Variants in NUDT1 observed in about 807,000 individuals in gnomAD.
NUDT1 encodes the protein nudix hydrolase 1, also known as oxidized purine nucleoside triphosphate hydrolase.
In NUDT1, 16 loss-of-function variants were observed where a neutral mutation model predicts 11.3. That is an observed-to-expected ratio of 1.41 (90% CI 0.96 to 2.15). The LOEUF (loss-of-function observed/expected upper bound fraction) is 2.15. Among genes scored for constraint, NUDT1 ranks in the 30% most tolerant of loss-of-function variants. The probability of loss-of-function intolerance (pLI) is 0.00; values close to 1 mark genes in which losing one functional copy is unlikely to be tolerated. For missense variants in NUDT1, 234 were observed against 208.4 expected, an observed-to-expected ratio of 1.12 and a Z score of -0.76; for synonymous variants, 101 against 84.4, an observed-to-expected ratio of 1.20 and a Z score of -1.08.
intron 2 of NUDT1, among the ~76,000 whole-genome samples, chr7:2,247,695 C>T (rs1794825438): frequency 6.6e-6 from 1 of 152,256 alleles, no homozygotes; most frequent in South Asian, 2.1e-4. Context: ...AACTGAACAG[C>T]GTCATCTTCG....
intron 2 of NUDT1, among the ~76,000 whole-genome samples, chr7:2,247,559 G>A (rs1167020107): frequency 2.0e-5 from 3 of 152,320 alleles, no homozygotes; most frequent in Admixed American, 1.3e-4. Context: ...CGGAACCTCC[G>A]ACTCCCACCT....
intron 3 of NUDT1, 52 bp downstream of exon 3, chr7:2,250,054 T>C: frequency 6.2e-7 from 1 of 1,602,074 alleles, no homozygotes; most frequent in African/African-American, 1.3e-5. Flanking sequence ...TCCCATCTCC[T>C]GGCTGGGAGA....
rs1051768203 is a variant in NUDT1 at position 2,250,618 on chromosome 7, C to T, written c.299-211C>T. ...GACTACAGGCGCCCGCCACCACGCC[C>T]GGCTAATTTTTTTGTATTTTTAGTA... On this transcript the variant is annotated intron_variant, in intron 3 of 3. Coordinates refer to ENST00000356714, the MANE Select transcript of NUDT1 (RefSeq NM_002452.4). Among the ~76,000 whole-genome samples the T allele has an allele frequency of 6.8e-5, 10 of 147,044 alleles. No individual in the cohort carries two copies. In the South Asian group the frequency reaches 9.0e-4, roughly 13 times the overall value.
At position 2,249,621 on chromosome 7, in the gene NUDT1, G is replaced by A. The variant is rs147427984; in HGVS notation, c.153-236G>A. Reference sequence around the variant, plus strand: ...CCACCAGAGGCTCCACACCATCTCCGGGCCCCTCCCCAGAGCCTCTCAACC... The same window carrying A: ...CCACCAGAGGCTCCACACCATCTCCAGGCCCCTCCCCAGAGCCTCTCAACC... On this transcript the variant is annotated intron_variant, in intron 2 of 3. Coordinates refer to ENST00000356714, the MANE Select transcript of NUDT1 (RefSeq NM_002452.4). The A allele has an allele frequency of 4.5e-4, 255 of 572,106 alleles. 1 individual carries two copies. Among genetic ancestry groups the A allele is most frequent in the Non-Finnish European group, 7.4e-4 (234 of 317,340 alleles). The allele number at this position is 572,106 out of a possible 1,614,324, so 35.4% of individuals were successfully genotyped here.
intron 1 of NUDT1, among the ~76,000 whole-genome samples, chr7:2,243,635 T>C (rs1794646659): frequency 6.6e-6 from 1 of 152,160 alleles, no homozygotes; most frequent in African/African-American, 2.4e-5. Context: ...TAGCTGGGTG[T>C]GGCGGCTCAT....
rs574916259 is a variant in NUDT1, at chr7:2,249,301, C to T, written c.153-556C>T. ...GATCATAGAAGCCTGTGGTTTCATCCTGTGTTCTCAGAGAAGAGGCACCAG... is the reference window on the plus strand; with the variant it reads ...GATCATAGAAGCCTGTGGTTTCATCTTGTGTTCTCAGAGAAGAGGCACCAG... On this transcript the variant is annotated intron_variant, in intron 2 of 3. Transcript: ENST00000356714. The T allele has an allele frequency of 3.0e-4, 49 of 164,354 alleles. 1 individual carries two copies. The highest frequency in any genetic ancestry group is 5.8e-4 in the Non-Finnish European group (44 of 75,350). 10.2% of individuals were successfully genotyped at this position (164,354 alleles called of 1,614,324 possible).
chr7:2,245,111 CTGTT>C (rs1482819064), intron 2 of NUDT1, among the ~76,000 whole-genome samples: 1 of 152,180 alleles, frequency 6.6e-6, no homozygotes, highest in Non-Finnish European at 1.5e-5. Flanking sequence ...GTTCCTCTGT[CTGTT>C]CAGTGGAGCT....
chr7:2,250,863 C>A lies in NUDT1; in HGVS notation c.333C>A (p.Ile111=). ...MRPCWFQLDQ[I]PFKDMWPDDS... ...CATGCTGGTTCCAGCTGGATCAGAT[C>A]CCCTTCAAGGACATGTGGCCCGACG... is the stretch of plus-strand genomic sequence containing the variant. Residue 111 remains isoleucine, a synonymous_variant, in exon 4 of 4, where the codon ATC becomes ATA. Coordinates refer to ENST00000356714, the MANE Select transcript of NUDT1 (RefSeq NM_002452.4). 6.2e-7 allele frequency: 1 copy of A among 1,614,182 alleles called. No individual in the cohort carries two copies. Among genetic ancestry groups the A allele is most frequent in the South Asian group, 1.1e-5 (1 of 91,084 alleles).
Position 2,242,228 on chromosome 7 carries a change from AG to A in NUDT1, c.-39del. 1 of 1,508,440 alleles carries A rather than the reference AG, an allele frequency of 6.6e-7. No homozygotes were observed. The highest frequency in any genetic ancestry group is 8.8e-7 in the Non-Finnish European group (1 of 1,132,486). 93.4% of individuals were successfully genotyped at this position (1,508,440 alleles called of 1,614,324 possible). A position where few individuals can be genotyped will look rare whatever the true frequency, so the allele number is the denominator to read the frequency against. ...AGTGCCTGGCCTCACTTCCGGTCAGAGGCCACGCCCCCGGAAGCGGCGGTGC... is the reference window on the plus strand; with the variant it reads ...AGTGCCTGGCCTCACTTCCGGTCAGAGCCACGCCCCCGGAAGCGGCGGTGC... On this transcript the variant is annotated 5_prime_UTR_variant, in exon 1 of 4. Coordinates refer to ENST00000356714, the MANE Select transcript of NUDT1 (RefSeq NM_002452.4).
intron 1 of NUDT1, chr7:2,242,522 T>G: frequency 2.5e-6 from 1 of 394,086 alleles, no homozygotes; most frequent in Non-Finnish European, 4.6e-6. Context: ...TTGGAAACCG[T>G]GGCTTCTGGC....
intron 3 of NUDT1, among the ~76,000 whole-genome samples, chr7:2,250,220 G>A (rs1356839772): frequency 6.6e-6 from 1 of 152,202 alleles, no homozygotes; most frequent in African/African-American, 2.4e-5. Context: ...CCTAAAATGA[G>A]AAACACGGTA....
In NUDT1 at chr7:2,250,016, G is replaced by T. The variant is rs781331574; in HGVS notation, c.298+14G>T. 1 of 1,613,316 alleles carries T rather than the reference G, an allele frequency of 6.2e-7. No homozygotes were observed. Among genetic ancestry groups the T allele is most frequent in the Admixed American group, 1.7e-5 (1 of 60,008 alleles). On this transcript the variant is annotated intron_variant, in intron 3 of 3. Coordinates refer to ENST00000356714, the MANE Select transcript of NUDT1 (RefSeq NM_002452.4). ...TGGAGAGCGACGGTGAGTCTCACAGGGCCTGCTCCCCCTCCCCACTATGCG... is the reference window on the plus strand; with the variant it reads ...TGGAGAGCGACGGTGAGTCTCACAGTGCCTGCTCCCCCTCCCCACTATGCG...
rs766116531 is a variant in NUDT1, at chr7:2,249,876, G to C, written c.172G>C (p.Gly58Arg). The change falls in exon 3 of 4, where the codon GGT becomes CGT. Residue 58 changes from glycine (G) to arginine (R), a missense_variant. Coordinates refer to ENST00000356714, the MANE Select transcript of NUDT1 (RefSeq NM_002452.4). Reference protein sequence around the residue: ...GARRELQEESGLTVDALHKVG... With the variant: ...GARRELQEESRLTVDALHKVG... ...CCGCAGGGAGCTGCAGGAGGAGAGC[G>C]GTCTGACAGTGGACGCCCTGCACAA... 4.3e-6 allele frequency: 7 copies of C among 1,613,796 alleles called. No homozygotes were observed. The African/African-American group carries it at 8.0e-5, about 18-fold the overall frequency.
At chr7:2,244,374 GA>G (rs1387936953) in intron 1 of NUDT1, 188 bp from the exon 2 acceptor site, 1 of 557,980 alleles carries the variant, frequency 1.8e-6, no homozygotes, top group Non-Finnish European at 3.1e-6. Context: ...TTCTACCCCA[GA>G]AAATCACTGG....
rs1794694053 is a variant in NUDT1 at position 2,244,613 on chromosome 7, G to A, written c.39G>A (p.Leu13=). ...GGCTCTATACCCTGGTGCTGGTCCT[G>A]CAGCCTCAGCGAGTTCTCCTGGGCA... The part of the protein sequence containing the change: ...ASRLYTLVLV[L]QPQRVLLGMK... Residue 13 remains leucine, a synonymous_variant, in exon 2 of 4, where the codon CTG becomes CTA. Coordinates refer to ENST00000356714, the MANE Select transcript of NUDT1 (RefSeq NM_002452.4). The A allele has an allele frequency of 1.9e-6, 3 of 1,612,746 alleles. No individual in the cohort carries two copies. Among genetic ancestry groups the A allele is most frequent in the African/African-American group, 1.3e-5 (1 of 75,026 alleles).
chr7:2,244,451 T>TTGG, intron 1 of NUDT1, 112 bp from the exon 2 acceptor site: 7 of 981,610 alleles, frequency 7.1e-6, no homozygotes, highest in Middle Eastern at 3.3e-4. Flanking sequence ...AGTTACAGCA[T>TTGG]ACCCCCCCGC....
In NUDT1 at chr7:2,249,995, G is replaced by C; in HGVS notation, c.291G>C (p.Glu97Asp). Residue 97 changes from glutamate to aspartate, a missense_variant, in exon 3 of 4, where the codon GAG becomes GAC. Physicochemically the swap from Glu to Asp is conservative, Grantham distance 45 (BLOSUM62 2). Coordinates refer to ENST00000356714, the MANE Select transcript of NUDT1 (RefSeq NM_002452.4). ...CTDSIQGTPVESDEMRPCWFQ... is the reference protein window; with the variant it reads ...CTDSIQGTPVDSDEMRPCWFQ... Reference sequence around the variant, plus strand: ...ACAGCATCCAGGGGACCCCCGTGGAGAGCGACGGTGAGTCTCACAGGGCCT... The same window carrying C: ...ACAGCATCCAGGGGACCCCCGTGGACAGCGACGGTGAGTCTCACAGGGCCT... The C allele has an allele frequency of 6.2e-7, 1 of 1,613,998 alleles. No individual in the cohort carries two copies.
At position 2,244,601 on chromosome 7, in the gene NUDT1, G is replaced by A; in HGVS notation, c.27G>A (p.Leu9=). The A allele has an allele frequency of 6.2e-7, 1 of 1,611,050 alleles. No homozygotes were observed. ...TGGGCGCCTCCAGGCTCTATACCCT[G>A]GTGCTGGTCCTGCAGCCTCAGCGAG... The part of the protein sequence containing the change: MGASRLYT[L]VLVLQPQRVL... Residue 9 remains leucine, a synonymous_variant, in exon 2 of 4, where the codon CTG becomes CTA. Transcript: ENST00000356714.
Position 2,244,698 on chromosome 7 carries a change from G to T in NUDT1, c.124G>T (p.Gly42Ter). ...WNGFGGKVQE[G>*]ETIEDGARRE... ...TGGCTTTGGGGGCAAAGTGCAAGAA[G>T]GAGAGACCATCGAGGATGGGGCTAG... Residue 42 changes from glycine to a stop codon, truncating the protein, a stop_gained, in exon 2 of 4, where the codon GGA becomes TGA. Coordinates refer to ENST00000356714, the MANE Select transcript of NUDT1 (RefSeq NM_002452.4). LOFTEE classifies it high-confidence loss of function. 1 of 1,612,804 alleles carries T rather than the reference G, an allele frequency of 6.2e-7. No individual in the cohort carries two copies. Among genetic ancestry groups the T allele is most frequent in the Non-Finnish European group, 8.5e-7 (1 of 1,179,604 alleles).
Sources: allele counts gnomAD v4.1 joint callset (sites outside exome capture counted in the v4.1 genomes callset), GRCh38; gene constraint gnomAD v4.1.1; transcripts MANE v1.5; gene names NCBI Gene and HGNC (gene_info 2026-07-23, HGNC 2026-07-21).